The following FUBP3 variants were observed in gnomAD, a reference collection of about 807,000 sequenced individuals.
The protein encoded by FUBP3 is far upstream element-binding protein 3.
A neutral mutation model predicts 85.6 loss-of-function variants in FUBP3; 28 were observed. The observed-to-expected ratio is 0.33, with a 90% CI of 0.24 to 0.45. The LOEUF (loss-of-function observed/expected upper bound fraction) is 0.45, where lower values mean the gene tolerates loss of function less well. FUBP3 is among the 20% of genes least tolerant of loss of function. The pLI is 1.00. For synonymous variants in FUBP3, 271 were observed against 271.4 expected (o/e 1.00, Z 0.01); for missense variants, 583 against 755.1 (o/e 0.77, Z 2.67).
intron 2 of FUBP3, among the ~76,000 whole-genome samples, chr9:130,609,441 G>T (rs1305870101): frequency 6.6e-6 from 1 of 151,306 alleles, no homozygotes; most frequent in East Asian, 2.0e-4. Context: ...GGTCTTGGGG[G>T]TGGGGGGGCC....
intron 18 of FUBP3, 61 bp downstream of exon 18, chr9:130,636,187 CT>C: frequency 6.5e-7 from 1 of 1,548,786 alleles, no homozygotes; most frequent in Non-Finnish European, 8.9e-7. Context: ...GCTCCCAAGC[CT>C]TCTGTGTTTC....
chr9:130,619,172 C>T (rs556956276), intron 8 of FUBP3, among the ~76,000 whole-genome samples: 40 of 152,230 alleles, frequency 2.6e-4, no homozygotes, highest in African/African-American at 9.6e-4. Context: ...TCTATCACAG[C>T]CTTTGATGGT....
intron 1 of FUBP3, 43 bp from the exon 2 acceptor site, chr9:130,595,440 C>T: frequency 1.1e-6 from 1 of 938,742 alleles, no homozygotes; most frequent in East Asian, 2.4e-5. Flanking sequence ...TCAGATAGAG[C>T]CATGGTTTGT....
intron 2 of FUBP3, among the ~76,000 whole-genome samples, chr9:130,602,212 C>T (rs1831191655): frequency 6.6e-6 from 1 of 152,180 alleles, no homozygotes; most frequent in South Asian, 2.1e-4. Context: ...GGGTTCGGTA[C>T]TCTCCATGGC....
Position 130,579,716 on chromosome 9 carries a change from G to A in FUBP3, c.36G>A (p.Val12=). 1 of 1,276,182 alleles carries A rather than the reference G, an allele frequency of 7.8e-7. No homozygotes were observed. The highest frequency in any genetic ancestry group is 9.9e-7 in the Non-Finnish European group (1 of 1,007,888). The allele number at this position is 1,276,182 out of a possible 1,614,324, so 79.1% of individuals were successfully genotyped here. The change falls in exon 1 of 19, where the codon GTG becomes GTA. Residue 12 remains valine (V), a synonymous_variant. Coordinates refer to ENST00000319725, the MANE Select transcript of FUBP3 (RefSeq NM_003934.2). ...TGGTGCAGGGGCAGAGCGCTCCTGT[G>A]GGGATGAAGGCCGAGGGCTTCGTGG... The part of the protein sequence containing the change: ...AELVQGQSAP[V]GMKAEGFVDA...
chr9:130,598,897 T>C (rs1830995694), intron 2 of FUBP3, among the ~76,000 whole-genome samples: 1 of 152,198 alleles, frequency 6.6e-6, no homozygotes, highest in Non-Finnish European at 1.5e-5. Flanking sequence ...GCATGGTGGC[T>C]CACACCTGTA....
intron 16 of FUBP3, 107 bp downstream of exon 16, chr9:130,632,385 C>A: frequency 1.2e-6 from 1 of 815,826 alleles, no homozygotes; most frequent in Non-Finnish European, 2.0e-6. Context: ...GCCCAGGATG[C>A]CCCTCCCCAA....
chr9:130,606,434 G>A (rs530656126), intron 2 of FUBP3, among the ~76,000 whole-genome samples: 9 of 152,264 alleles, frequency 5.9e-5, no homozygotes, highest in Admixed American at 3.3e-4. Flanking sequence ...CAGTGGTTCC[G>A]TGTGGGTGCC....
Position 130,609,517 on chromosome 9 carries a change from C to T in FUBP3, c.191-437C>T, listed in dbSNP as rs192495936. 3.9e-3 allele frequency among the ~76,000 whole-genome samples: 591 copies of T among 152,308 alleles called. 3 individuals carry two copies. The highest frequency in any genetic ancestry group is 0.014 in the Middle Eastern group (4 of 294). ...AGGAGGAGCATATGTGCGTGTTCCT[C>T]ATGACTACAGCTGCTGTGGAGCAGT... On this transcript the variant is annotated intron_variant, in intron 2 of 18. Coordinates refer to ENST00000319725, the MANE Select transcript of FUBP3 (RefSeq NM_003934.2).
Position 130,635,833 on chromosome 9 carries a change from C to G in FUBP3, c.1583-166C>G, listed in dbSNP as rs959427886. ...CCGGGCAACAAGAGGCTAACAGCAC[C>G]TTTTGTAGCAAGCGCTCCTGCAACA... On this transcript the variant is annotated intron_variant, in intron 17 of 18. Coordinates refer to ENST00000319725, the MANE Select transcript of FUBP3 (RefSeq NM_003934.2). The surrounding 1 kb of genome is among the most constrained non-coding windows in gnomAD (Gnocchi z 4.3). 1.5e-6 allele frequency: 1 copy of G among 668,778 alleles called. No individual in the cohort carries two copies. The highest frequency in any genetic ancestry group is 2.5e-6 in the Non-Finnish European group (1 of 392,686). The allele number at this position is 668,778 out of a possible 1,614,324, so 41.4% of individuals were successfully genotyped here.
At chr9:130,606,542 C>T (rs11243936) in intron 2 of FUBP3, among the ~76,000 whole-genome samples, 57,319 of 151,824 alleles carry the variant, frequency 0.38, 12,515 homozygotes, top group African/African-American at 0.61. Context: ...CTGATGTGGC[C>T]GGGCGCGGTG....
intron 2 of FUBP3, among the ~76,000 whole-genome samples, chr9:130,596,170 C>G (rs778910665): frequency 2.6e-5 from 4 of 152,174 alleles, no homozygotes; most frequent in Non-Finnish European, 5.9e-5. Flanking sequence ...TGCCAATCCC[C>G]AGCACTCTGG....
In FUBP3 at chr9:130,579,726, G is replaced by A; in HGVS notation, c.46G>A (p.Ala16Thr). 1 of 1,279,096 alleles carries A rather than the reference G, an allele frequency of 7.8e-7. No homozygotes were observed. The highest frequency in any genetic ancestry group is 3.6e-5 in the South Asian group (1 of 27,488). The allele number at this position is 1,279,096 out of a possible 1,614,324, so 79.2% of individuals were successfully genotyped here. Residue 16 changes from alanine to threonine, a missense_variant, in exon 1 of 19, where the codon GCC becomes ACC. Coordinates refer to ENST00000319725, the MANE Select transcript of FUBP3 (RefSeq NM_003934.2). Reference protein sequence around the residue: ...QGQSAPVGMKAEGFVDALHRV... With the variant: ...QGQSAPVGMKTEGFVDALHRV... ...GCAGAGCGCTCCTGTGGGGATGAAGGCCGAGGGCTTCGTGGATGCCCTGCA... is the reference window on the plus strand; with the variant it reads ...GCAGAGCGCTCCTGTGGGGATGAAGACCGAGGGCTTCGTGGATGCCCTGCA...
At chr9:130,609,359 T>C (rs2119064546) in intron 2 of FUBP3, among the ~76,000 whole-genome samples, 1 of 146,514 alleles carries the variant, frequency 6.8e-6, no homozygotes, top group East Asian at 2.1e-4. Context: ...CCGCTGCACA[T>C]GGACTGCTCT....
chr9:130,592,588 C>T (rs2119020345), intron 1 of FUBP3, among the ~76,000 whole-genome samples: 1 of 152,274 alleles, frequency 6.6e-6, no homozygotes, highest in East Asian at 1.9e-4. Context: ...GCTCCATCTT[C>T]CAGCTGGAGT....
intron 6 of FUBP3, among the ~76,000 whole-genome samples, chr9:130,615,328 T>G (rs1379301395): frequency 4.6e-5 from 7 of 152,230 alleles, no homozygotes. Context: ...AAAGGCAACA[T>G]CTATTTCCTG....
chr9:130,585,138 C>T (rs1235583017), intron 1 of FUBP3, among the ~76,000 whole-genome samples: 3 of 151,996 alleles, frequency 2.0e-5, no homozygotes, highest in Non-Finnish European at 2.9e-5. Flanking sequence ...CCAGCCTGGG[C>T]GACAAAGTGA....
In FUBP3 at chr9:130,595,431, CAGAT is replaced by C. The variant is rs1279744020; in HGVS notation, c.85-48_85-45del. 2.0e-4 allele frequency: 178 copies of C among 898,242 alleles called. No homozygotes were observed. The East Asian group carries it at 3.8e-3, about 19-fold the overall frequency. The allele number at this position is 898,242 out of a possible 1,614,324, so 55.6% of individuals were successfully genotyped here. On this transcript the variant is annotated intron_variant, in intron 1 of 18. Transcript: ENST00000319725. ...AAAGAGGACACTTGTCTTTCTCCCT[CAGAT>C]AGAGCCATGGTTTGTTACTGAGTGT...
At chr9:130,596,315 TTC>T (rs925649663) in intron 2 of FUBP3, among the ~76,000 whole-genome samples, 12 of 152,218 alleles carry the variant, frequency 7.9e-5, no homozygotes, top group African/African-American at 2.9e-4. Flanking sequence ...AGTCGGTGTC[TTC>T]TCTGTGTTCT....
Sources: gnomAD v4.1 joint callset for allele counts (sites outside exome capture counted in the v4.1 genomes callset) on GRCh38, gnomAD v4.1.1 for gene constraint, Gnocchi (gnomAD v3.1) non-coding constraint, MANE v1.5 for transcripts, NCBI Gene and HGNC (gene_info 2026-07-23, HGNC 2026-07-21) for gene names.